RYR2: variants seen among roughly 807,000 people sequenced by gnomAD.
RYR2 encodes the protein cardiac muscle ryanodine receptor-calcium release channel.
Under a neutral mutation model 601.1 loss-of-function variants are expected in RYR2, and 227 were observed. The ratio of observed to expected loss-of-function variants is 0.38; its 90% confidence interval spans 0.34 to 0.42. RYR2 has a LOEUF of 0.42. Ranked by LOEUF, RYR2 falls within the 10% of genes least tolerant of loss-of-function variation. The probability of loss-of-function intolerance (pLI) is 1.00; values close to 1 mark genes in which losing one functional copy is unlikely to be tolerated. For missense variants in RYR2, 4,646 were observed against 6,156.5 expected (o/e 0.75, Z 8.21); for synonymous variants, 2,223 against 2,175.1 (o/e 1.02, Z -0.61).
chr1:237,647,307 T>C (rs939442486), intron 48 of RYR2, among the ~76,000 whole-genome samples: 2 of 152,170 alleles, frequency 1.3e-5, no homozygotes. Context: ...ATAAGAGTCA[T>C]GATAGCAGCC....
At chr1:237,512,710 A>C (rs1168129792) in intron 24 of RYR2, among the ~76,000 whole-genome samples, 3 of 152,142 alleles carry the variant, frequency 2.0e-5, no homozygotes, top group Non-Finnish European at 4.4e-5. Flanking sequence ...CCATGTCAAC[A>C]AAAAATATGA....
intron 82 of RYR2, among the ~76,000 whole-genome samples, chr1:237,758,376 C>T (rs1464462): frequency 1 from 152,251 of 152,290 alleles, 76,106 homozygotes; most frequent in Non-Finnish European, 1. Flanking sequence ...TTTGATCCTG[C>T]AAGCCACATC....
intron 79 of RYR2, among the ~76,000 whole-genome samples, chr1:237,735,344 A>G (rs1691046640): frequency 6.6e-6 from 1 of 152,198 alleles, no homozygotes; most frequent in African/African-American, 2.4e-5. Flanking sequence ...ACAAATATCT[A>G]GATGGAATTG....
chr1:237,776,223 A>T (rs1694646335), intron 87 of RYR2, among the ~76,000 whole-genome samples: 1 of 152,312 alleles, frequency 6.6e-6, no homozygotes, highest in South Asian at 2.1e-4. Flanking sequence ...GGAAAATCCT[A>T]AAGATCTATT....
intron 91 of RYR2, 148 bp downstream of exon 91, chr1:237,786,184 T>G: frequency 1.6e-6 from 1 of 622,370 alleles, no homozygotes; most frequent in Non-Finnish European, 2.8e-6. Context: ...GGAGAGGCTC[T>G]GACAGCGAGG....
intron 2 of RYR2, among the ~76,000 whole-genome samples, chr1:237,310,476 A>G (rs1313338043): frequency 2.0e-5 from 3 of 152,190 alleles, no homozygotes; most frequent in Non-Finnish European, 4.4e-5. Flanking sequence ...TGTCTTAGGT[A>G]AACAGCTGAT....
intron 1 of RYR2, among the ~76,000 whole-genome samples, chr1:237,199,426 G>T (rs996280048): frequency 6.6e-6 from 1 of 152,230 alleles, no homozygotes; most frequent in Non-Finnish European, 1.5e-5. Flanking sequence ...GAAGAACTTG[G>T]AGTCTGATGT....
chr1:237,141,275 G>A (rs942603774), intron 1 of RYR2, among the ~76,000 whole-genome samples: 11 of 152,180 alleles, frequency 7.2e-5, no homozygotes, highest in African/African-American at 2.7e-4. Context: ...ATTAATTAAT[G>A]TGTTTGCTGT....
At chr1:237,112,360 C>T (rs1412372696) in intron 1 of RYR2, among the ~76,000 whole-genome samples, 7 of 152,078 alleles carry the variant, frequency 4.6e-5, no homozygotes, top group African/African-American at 7.2e-5. Flanking sequence ...GTGATCCGCC[C>T]GCCTCGGCCT....
rs1485392794 is a variant in RYR2 at position 237,674,841 on chromosome 1, A to G, written c.8825A>G (p.Glu2942Gly). The change falls in exon 60 of 105, where the codon GAG becomes GGG. Residue 2942 changes from glutamate to glycine, a missense_variant. Physicochemically the swap from Glu to Gly is moderately conservative, Grantham distance 98. Transcript: ENST00000366574. ...YVDEAHQYILEFDGGSRGKGE... is the reference protein window; with the variant it reads ...YVDEAHQYILGFDGGSRGKGE... Reference sequence around the variant, plus strand: ...GATGAAGCCCATCAGTATATCCTGGAGTTTGGTAGGTACCATAGTCCCATT... The same window carrying G: ...GATGAAGCCCATCAGTATATCCTGGGGTTTGGTAGGTACCATAGTCCCATT... The G allele has an allele frequency of 6.3e-7, 1 of 1,583,682 alleles. No homozygotes were observed. Among genetic ancestry groups the G allele is most frequent in the Non-Finnish European group, 8.7e-7 (1 of 1,153,602 alleles).
intron 58 of RYR2, among the ~76,000 whole-genome samples, chr1:237,672,069 A>C (rs1684998377): frequency 6.6e-6 from 1 of 152,140 alleles, no homozygotes. Context: ...CCATATCATA[A>C]ATGGGAAAGT....
rs199976169 is a variant in RYR2, at chr1:237,592,632, C to CA, written c.4275+792dup. 2.7e-3 allele frequency among the ~76,000 whole-genome samples: 250 copies of CA among 91,802 alleles called. 4 individuals carry two copies. The highest frequency in any genetic ancestry group is 0.023 in the East Asian group (83 of 3,540). The allele number at this position is 91,802 out of a possible 152,430, so 60.2% of individuals were successfully genotyped here. A position where few individuals can be genotyped will look rare whatever the true frequency, so the allele number is the denominator to read the frequency against. On this transcript the variant is annotated intron_variant, in intron 32 of 104. Transcript: ENST00000366574. ...TGGGTGACAGAGTAAGACTCTGTCT[C>CA]AAAAAAAAAAAAAGTGAGCTTAAAG...
rs3753621 is a variant in RYR2 at position 237,543,413 on chromosome 1, T to C, written c.2907-5018T>C. On this transcript the variant is annotated intron_variant, in intron 25 of 104. Transcript: ENST00000366574. ...CCTTCTGTATTTGTTTTCTGGAGAATGATTCTGAATATTCTCTATATGTTT... is the reference window on the plus strand; with the variant it reads ...CCTTCTGTATTTGTTTTCTGGAGAACGATTCTGAATATTCTCTATATGTTT... Among the ~76,000 whole-genome samples the C allele has an allele frequency of 3.3e-4, 51 of 152,366 alleles. 1 individual carries two copies. In the East Asian group the frequency reaches 9.6e-3, roughly 29 times the overall value.
chr1:237,246,050 G>A (rs895828597), intron 1 of RYR2, among the ~76,000 whole-genome samples: 1 of 151,924 alleles, frequency 6.6e-6, no homozygotes, highest in Non-Finnish European at 1.5e-5. Flanking sequence ...AAAGTGCTGG[G>A]ATTACAGGCG....
At chr1:237,382,945 C>G (rs1203354651) in intron 8 of RYR2, among the ~76,000 whole-genome samples, 7 of 148,862 alleles carry the variant, frequency 4.7e-5, no homozygotes, top group Non-Finnish European at 8.9e-5. Flanking sequence ...AAAACTGATG[C>G]CTGAGGAGTA....
intron 1 of RYR2, among the ~76,000 whole-genome samples, chr1:237,156,758 A>G (rs968104832): frequency 6.6e-5 from 10 of 152,228 alleles, no homozygotes. Context: ...CAAGGGTTCA[A>G]TCCTCCCATG....
intron 1 of RYR2, among the ~76,000 whole-genome samples, chr1:237,141,407 A>G (rs905470297): frequency 2.4e-4 from 37 of 152,276 alleles, no homozygotes; most frequent in Admixed American, 2.0e-3. Context: ...ACTTGTTTTG[A>G]TCCAGTCCTC....
At chr1:237,697,012 C>A (rs1313165327) in intron 63 of RYR2, among the ~76,000 whole-genome samples, 1 of 151,932 alleles carries the variant, frequency 6.6e-6, no homozygotes, top group African/African-American at 2.4e-5. Flanking sequence ...GTCTTCCTAC[C>A]GCACTGAAAA....
chr1:237,752,392 C>T (rs898568065), intron 80 of RYR2, among the ~76,000 whole-genome samples: 3 of 151,876 alleles, frequency 2.0e-5, no homozygotes, highest in Non-Finnish European at 2.9e-5. Context: ...TCAAGCAGTC[C>T]TCCCACTTCA....
Sources: gnomAD v4.1 joint callset for allele counts (sites outside exome capture counted in the v4.1 genomes callset) on GRCh38, gnomAD v4.1.1 for gene constraint, MANE v1.5 for transcripts, NCBI Gene and HGNC (gene_info 2026-07-23, HGNC 2026-07-21) for gene names.